Variants in ATP10A observed in about 807,000 individuals in gnomAD.
ATP10A encodes the protein ATPase phospholipid transporting 10A (putative).
ATP10A carries 111 observed loss-of-function variants against 147.8 expected under a neutral mutation model. The observed-to-expected ratio is 0.75, with a 90% CI of 0.64 to 0.88. The LOEUF (loss-of-function observed/expected upper bound fraction) is 0.88, where lower values mean the gene tolerates loss of function less well. ATP10A is among the 40% of genes least tolerant of loss of function. ATP10A has a pLI of 0.00. For synonymous variants in ATP10A, 875 were observed against 841.6 expected, an observed-to-expected ratio of 1.04 and a Z score of -0.69; for missense variants, 1,927 against 1,959.0, an observed-to-expected ratio of 0.98 and a Z score of 0.31.
At chr15:25,681,629 T>C (rs1899414855) in intron 17 of ATP10A, among the ~76,000 whole-genome samples, 1 of 152,160 alleles carries the variant, frequency 6.6e-6, no homozygotes, top group South Asian at 2.1e-4. Flanking sequence ...TCAGGACTTT[T>C]GGAGACGCGA....
At chr15:25,734,400 C>T (rs1478513381) in intron 3 of ATP10A, among the ~76,000 whole-genome samples, 1 of 152,220 alleles carries the variant, frequency 6.6e-6, no homozygotes, top group African/African-American at 2.4e-5. Context: ...AGGGATACCA[C>T]TGAACATTCT....
At chr15:25,811,269 G>A (rs1015210358) in intron 1 of ATP10A, among the ~76,000 whole-genome samples, 1 of 152,148 alleles carries the variant, frequency 6.6e-6, no homozygotes, top group African/African-American at 2.4e-5. Context: ...GGCTCTCTGC[G>A]GATAAGGGAT....
rs142548270 is a variant in ATP10A, at chr15:25,718,286, C to A, written c.1477G>T (p.Val493Leu). 30 of 1,612,298 alleles carry A rather than the reference C, an allele frequency of 1.9e-5. No individual in the cohort carries two copies. The African/African-American group carries it at 3.3e-4, about 18-fold the overall frequency. ...GACTTGGTGCTCTGGGTTCTGTGCACCACCCGGACACTCTGGTGGCTGCCG... is the reference window on the plus strand; with the variant it reads ...GACTTGGTGCTCTGGGTTCTGTGCAACACCCGGACACTCTGGTGGCTGCCG... ...SIGSHQSVRV[V>L]HRTQSTKSHR... is the part of the protein sequence containing the mutation. Residue 493 changes from valine to leucine, a missense_variant, in exon 8 of 21, where the codon GTG becomes TTG. Coordinates refer to ENST00000555815, the MANE Select transcript of ATP10A (RefSeq NM_024490.4).
intron 10 of ATP10A, 110 bp downstream of exon 10, chr15:25,713,564 T>C (rs903747309): frequency 1.3e-5 from 15 of 1,143,474 alleles, no homozygotes; most frequent in Admixed American, 5.0e-5. Context: ...GCATTTCTGT[T>C]GGAAAAGGAT....
chr15:25,760,529 GTCT>G (rs1268970385), intron 2 of ATP10A, among the ~76,000 whole-genome samples: 2 of 152,140 alleles, frequency 1.3e-5, no homozygotes, highest in African/African-American at 4.8e-5. Flanking sequence ...CAAGTGTTAT[GTCT>G]TCAGGGCAGT....
Position 25,679,650 on chromosome 15 carries a change from C to A in ATP10A, c.4191G>T (p.Ala1397=), listed in dbSNP as rs139877863. Residue 1397 remains alanine (A), a synonymous_variant, in exon 21 of 21, where the codon GCG becomes GCT. Coordinates refer to ENST00000555815, the MANE Select transcript of ATP10A (RefSeq NM_024490.4). ...GLSAPAPMSS[A]PGEAVLRSPG... The stretch of plus-strand genomic sequence containing the variant: ...GACTCCTCAGGACAGCCTCCCCTGG[C>A]GCAGAGGACATGGGGGCCGGTGCGC... The A allele has an allele frequency of 6.2e-7, 1 of 1,613,302 alleles. No individual in the cohort carries two copies. The highest frequency in any genetic ancestry group is 8.5e-7 in the Non-Finnish European group (1 of 1,179,984).
intron 9 of ATP10A, 66 bp downstream of exon 9, chr15:25,716,664 G>A: frequency 7.0e-7 from 1 of 1,424,546 alleles, no homozygotes; most frequent in Non-Finnish European, 9.4e-7. Flanking sequence ...GCCCTCAGGA[G>A]GACTGACAAC....
chr15:25,850,390 TGTACG>T (rs1411255416), intron 1 of ATP10A, among the ~76,000 whole-genome samples: 1 of 152,114 alleles, frequency 6.6e-6, no homozygotes, highest in African/African-American at 2.4e-5. Context: ...GGATGCGTTT[TGTACG>T]GGGAACAAAA....
chr15:25,742,138 G>A (rs555155500), intron 2 of ATP10A, among the ~76,000 whole-genome samples: 159 of 140,720 alleles, frequency 1.1e-3, no homozygotes, highest in African/African-American at 2.4e-3. Flanking sequence ...TCCACTGCAC[G>A]TCACACAGCA....
At chr15:25,720,659 G>A (rs747644988) in intron 7 of ATP10A, among the ~76,000 whole-genome samples, 2 of 98,188 alleles carry the variant, frequency 2.0e-5, no homozygotes, top group Non-Finnish European at 4.3e-5. Flanking sequence ...GGATGGGTGA[G>A]TGGATGGAGT....
At chr15:25,769,357 G>A (rs1889209117) in intron 2 of ATP10A, among the ~76,000 whole-genome samples, 1 of 151,452 alleles carries the variant, frequency 6.6e-6, no homozygotes, top group African/African-American at 2.4e-5. Flanking sequence ...GGTGGTGGCG[G>A]GCGTCTGTAA....
At chr15:25,824,699 C>A (rs1892044255) in intron 1 of ATP10A, among the ~76,000 whole-genome samples, 1 of 150,922 alleles carries the variant, frequency 6.6e-6, no homozygotes, top group African/African-American at 2.4e-5. Flanking sequence ...AAAATACCGT[C>A]AAAATCAACT....
chr15:25,862,674 G>C lies in ATP10A; in HGVS notation c.423C>G (p.Asn141Lys). ...YSRHRSDHKI[N>K]HLGCLVFSRE... is the part of the protein sequence containing the mutation. ...TGCTGAAGACCAGGCAGCCCAGGTG[G>C]TTGATCTTGTGGTCGGAGCGGTGGC... Residue 141 changes from asparagine (N) to lysine (K), a missense_variant, in exon 1 of 21, where the codon AAC becomes AAG. Coordinates refer to ENST00000555815, the MANE Select transcript of ATP10A (RefSeq NM_024490.4). The C allele has an allele frequency of 6.3e-7, 1 of 1,598,440 alleles. No homozygotes were observed. The highest frequency in any genetic ancestry group is 8.5e-7 in the Non-Finnish European group (1 of 1,170,158).
intron 3 of ATP10A, among the ~76,000 whole-genome samples, chr15:25,731,701 T>C (rs1056370271): frequency 2.0e-5 from 3 of 152,172 alleles, no homozygotes; most frequent in African/African-American, 7.2e-5. Flanking sequence ...ATCCTAACTC[T>C]GAAGATTTCG....
chr15:25,716,710 A>G lies in ATP10A; in HGVS notation c.1776+20T>C. On this transcript the variant is annotated intron_variant, in intron 9 of 20. Transcript: ENST00000555815. ...AGCGCAGAAGGTCAAGGTCAAGCTCAGGGACCCTCCAGAACTTGCCTTTGT... is the reference window on the plus strand; with the variant it reads ...AGCGCAGAAGGTCAAGGTCAAGCTCGGGGACCCTCCAGAACTTGCCTTTGT... 1 of 1,542,844 alleles carries G rather than the reference A, an allele frequency of 6.5e-7. No individual in the cohort carries two copies. Among genetic ancestry groups the G allele is most frequent in the Non-Finnish European group, 8.8e-7 (1 of 1,140,380 alleles).
intron 1 of ATP10A, among the ~76,000 whole-genome samples, chr15:25,796,195 G>C (rs987628977): frequency 1.3e-5 from 2 of 152,140 alleles, no homozygotes; most frequent in African/African-American, 4.8e-5. Context: ...CCAGCACTTT[G>C]GGAGGCCACG....
In ATP10A at chr15:25,727,173, A is replaced by G. The variant is rs1464082048; in HGVS notation, c.834T>C (p.Ile278=). The G allele has an allele frequency of 6.2e-7, 1 of 1,614,126 alleles. No individual in the cohort carries two copies. The highest frequency in any genetic ancestry group is 8.5e-7 in the Non-Finnish European group (1 of 1,179,988). ...GCCCGAGCCTACCTGCGTAGATGAC[A>G]ATGCCGACGACTGCGTCCGTGTTCC... ...TLRNTDAVVG[I]VIYAGHETKA... The change falls in exon 4 of 21, where the codon ATT becomes ATC. Residue 278 remains isoleucine (I), a synonymous_variant. Transcript: ENST00000555815.
At chr15:25,707,311 C>T (rs1320200506) in intron 12 of ATP10A, among the ~76,000 whole-genome samples, 5 of 152,096 alleles carry the variant, frequency 3.3e-5, no homozygotes, top group Admixed American at 1.3e-4. Context: ...AGAAGTACCA[C>T]CTGACTCACA....
rs756318564 is a variant in ATP10A, at chr15:25,680,917, G to A, written c.3574-3C>T. The stretch of plus-strand genomic sequence containing the variant: ...TCCACGTTCGAGTCATAGTAGGCCT[G>A]AAAGACAGTGGGGTCCTGGATCTGT... On this transcript the variant is annotated splice_polypyrimidine_tract_variant and splice_region_variant and intron_variant, in intron 18 of 20. Coordinates refer to ENST00000555815, the MANE Select transcript of ATP10A (RefSeq NM_024490.4). 6.2e-7 allele frequency: 1 copy of A among 1,614,130 alleles called. No individual in the cohort carries two copies. The highest frequency in any genetic ancestry group is 8.5e-7 in the Non-Finnish European group (1 of 1,179,986).
Sources: gnomAD v4.1 joint callset for allele counts (sites outside exome capture counted in the v4.1 genomes callset) on GRCh38, gnomAD v4.1.1 for gene constraint, MANE v1.5 for transcripts, NCBI Gene and HGNC (gene_info 2026-07-23, HGNC 2026-07-21) for gene names.